HSD17B12: variants seen among roughly 807,000 people sequenced by gnomAD.
HSD17B12 encodes the protein very-long-chain 3-oxoacyl-CoA reductase.
In HSD17B12, 32 loss-of-function variants were observed where a neutral mutation model predicts 39.3. The observed-to-expected ratio is 0.81, with a 90% confidence interval of 0.61 to 1.09. The LOEUF is 1.09. Ranked by LOEUF, HSD17B12 falls within the 50% of genes least tolerant of loss-of-function variation. The probability of loss-of-function intolerance (pLI) is 0.00; values close to 1 mark genes in which losing one functional copy is unlikely to be tolerated. For synonymous variants in HSD17B12, 150 were observed against 146.7 expected, an observed-to-expected ratio of 1.02 and a Z score of -0.16; for missense variants, 342 against 382.9, an observed-to-expected ratio of 0.89 and a Z score of 0.89.
intron 4 of HSD17B12, 55 bp downstream of exon 4, chr11:43,798,482 T>C (rs1323186694): frequency 8.9e-7 from 1 of 1,117,726 alleles, no homozygotes; most frequent in Non-Finnish European, 1.3e-6. Flanking sequence ...TTTGACTTTA[T>C]GACTTTGGAT....
At chr11:43,700,442 ATTT>A (rs560992748) in intron 1 of HSD17B12, among the ~76,000 whole-genome samples, 1 of 148,782 alleles carries the variant, frequency 6.7e-6, no homozygotes, top group African/African-American at 2.5e-5. Context: ...TAATCATTCT[ATTT>A]TTTTTTTAAC....
the HSD17B12 span, among the ~76,000 whole-genome samples, chr11:43,633,374 A>G: frequency 1.3e-5 from 2 of 151,640 alleles, no homozygotes; most frequent in African/African-American, 4.8e-5. Context: ...TCTACTAAAA[A>G]TACAAAAATT....
the HSD17B12 span, among the ~76,000 whole-genome samples, chr11:43,655,898 A>G: frequency 6.6e-6 from 1 of 152,186 alleles, no homozygotes. Context: ...AGCCTTTGGT[A>G]TCAGGATGAT....
the HSD17B12 span, among the ~76,000 whole-genome samples, chr11:43,585,169 C>G: frequency 6.6e-6 from 1 of 151,386 alleles, no homozygotes; most frequent in South Asian, 2.1e-4. Flanking sequence ...GAAATTTTAG[C>G]CTCTGGATAT....
chr11:43,611,109 C>T, the HSD17B12 span, among the ~76,000 whole-genome samples: 2 of 152,120 alleles, frequency 1.3e-5, no homozygotes, highest in South Asian at 2.1e-4. Context: ...ACCGTGAATC[C>T]AGCCTGTTTT....
At chr11:43,622,192 G>A in the HSD17B12 span, among the ~76,000 whole-genome samples, 7 of 152,156 alleles carry the variant, frequency 4.6e-5, no homozygotes, top group Non-Finnish European at 8.8e-5. Flanking sequence ...GGATTACCCC[G>A]GGGAGAGAGA....
intron 3 of HSD17B12, among the ~76,000 whole-genome samples, chr11:43,773,387 C>G (rs1464757494): frequency 4.6e-5 from 7 of 152,130 alleles, no homozygotes; most frequent in Non-Finnish European, 8.8e-5. Context: ...ACTACAGGTG[C>G]ACACCACTAT....
At chr11:43,632,777 A>T in the HSD17B12 span, among the ~76,000 whole-genome samples, 1 of 152,206 alleles carries the variant, frequency 6.6e-6, no homozygotes, top group Non-Finnish European at 1.5e-5. Context: ...TTCTACACAT[A>T]TATTTTTGTA....
At chr11:43,646,758 G>T in the HSD17B12 span, among the ~76,000 whole-genome samples, 1 of 152,138 alleles carries the variant, frequency 6.6e-6, no homozygotes, top group Admixed American at 6.5e-5. Context: ...TTGTGTCCAA[G>T]AATTTTGGTA....
the HSD17B12 span, among the ~76,000 whole-genome samples, chr11:43,605,016 G>A: frequency 6.6e-6 from 1 of 152,190 alleles, no homozygotes; most frequent in Non-Finnish European, 1.5e-5. Flanking sequence ...GTTGGGAGCT[G>A]CTATGTATGG....
chr11:43,626,534 T>C, the HSD17B12 span, among the ~76,000 whole-genome samples: 2 of 151,900 alleles, frequency 1.3e-5, no homozygotes, highest in Non-Finnish European at 2.9e-5. Flanking sequence ...ACAGAAACTA[T>C]ATGGCACATT....
chr11:43,654,006 C>T, the HSD17B12 span, among the ~76,000 whole-genome samples: 2 of 147,074 alleles, frequency 1.4e-5, no homozygotes, highest in Non-Finnish European at 3.1e-5. Context: ...TTTACGGTCC[C>T]ACCAACAGTG....
chr11:43,687,098 G>A lies in HSD17B12; in HGVS notation c.160+6111G>A, dbSNP rs962433955. Among the ~76,000 whole-genome samples the A allele has an allele frequency of 2.0e-5, 3 of 152,216 alleles. No individual in the cohort carries two copies. The East Asian group carries it at 5.8e-4, about 29-fold the overall frequency. The stretch of plus-strand genomic sequence containing the variant: ...AACGGATTTGAATAGATCAGTTTCA[G>A]TGCCATTAAAAGCTATTTGTAGATA... On this transcript the variant is annotated intron_variant, in intron 1 of 10. Transcript: ENST00000278353.
intron 1 of HSD17B12, among the ~76,000 whole-genome samples, chr11:43,731,003 T>C (rs942587988): frequency 4.0e-5 from 6 of 149,732 alleles, no homozygotes; most frequent in Non-Finnish European, 8.9e-5. Flanking sequence ...TATTATTAAA[T>C]TTTTTTTTTT....
At chr11:43,785,813 G>C (rs1211636208) in intron 3 of HSD17B12, among the ~76,000 whole-genome samples, 1 of 152,082 alleles carries the variant, frequency 6.6e-6, no homozygotes, top group Non-Finnish European at 1.5e-5. Flanking sequence ...AGTCTGAATA[G>C]GTCTTTTATC....
At chr11:43,710,220 A>C (rs1950052086) in intron 1 of HSD17B12, among the ~76,000 whole-genome samples, 1 of 152,214 alleles carries the variant, frequency 6.6e-6, no homozygotes, top group Non-Finnish European at 1.5e-5. Flanking sequence ...AGTTTTCTAC[A>C]TACTCAAGAA....
the HSD17B12 span, among the ~76,000 whole-genome samples, chr11:43,571,742 C>A: frequency 3.9e-5 from 6 of 152,214 alleles, no homozygotes; most frequent in Non-Finnish European, 7.3e-5. Context: ...ATTACAGTCA[C>A]TTTCCTCCAG....
intron 8 of HSD17B12, among the ~76,000 whole-genome samples, 168 bp downstream of exon 8, chr11:43,838,566 G>C (rs1332260048): frequency 1.3e-5 from 2 of 152,060 alleles, no homozygotes; most frequent in African/African-American, 4.8e-5. Context: ...ACCAGAGTTG[G>C]AGACATACTA....
the HSD17B12 span, among the ~76,000 whole-genome samples, chr11:43,641,545 A>G: frequency 6.6e-6 from 1 of 151,988 alleles, no homozygotes; most frequent in East Asian, 1.9e-4. Flanking sequence ...GGCAAACTTA[A>G]ACTTTGGTAT....
Sources: gnomAD v4.1 joint callset for allele counts (sites outside exome capture counted in the v4.1 genomes callset) on GRCh38, gnomAD v4.1.1 for gene constraint, MANE v1.5 for transcripts, NCBI Gene and HGNC (gene_info 2026-07-23, HGNC 2026-07-21) for gene names.